The following ZNF143 variants were observed in gnomAD, a reference collection of about 807,000 sequenced individuals.
ZNF143 encodes zinc finger protein 143.
Under a neutral mutation model 74.1 loss-of-function variants are expected in ZNF143, and 49 were observed. That is an observed-to-expected ratio of 0.66 (90% CI 0.53 to 0.84). The LOEUF is 0.84. ZNF143 is among the 40% of genes least tolerant of loss of function. The probability of loss-of-function intolerance (pLI) is 0.00; values close to 1 mark genes in which losing one functional copy is unlikely to be tolerated. For missense variants in ZNF143, 637 were observed against 793.4 expected (o/e 0.80, Z 2.37); for synonymous variants, 304 against 282.8 (o/e 1.07, Z -0.75).
intron 11 of ZNF143, among the ~76,000 whole-genome samples, chr11:9,506,317 A>G (rs1220761977): frequency 6.6e-6 from 1 of 152,190 alleles, no homozygotes; most frequent in Non-Finnish European, 1.5e-5. Flanking sequence ...TGGGTGACAG[A>G]GCGAGACTCC....
In ZNF143 at chr11:9,486,371, A is replaced by ATAATATATATAATATATATATAAT. The variant is rs1477531952; in HGVS notation, c.645+6825_645+6826insTAATATATATAATATATATATAAT. The stretch of plus-strand genomic sequence containing the variant: ...TATATATTATATATATATTATATAT[A>ATAATATATATAATATATATATAAT]ATATATTATATATATAATATATATA... On this transcript the variant is annotated intron_variant, in intron 7 of 15. Transcript: ENST00000396602. Among the ~76,000 whole-genome samples the ATAATATATATAATATATATATAAT allele has an allele frequency of 7.6e-4, 28 of 36,714 alleles. 3 individuals are homozygous for ATAATATATATAATATATATATAAT. Among genetic ancestry groups the ATAATATATATAATATATATATAAT allele is most frequent in the African/African-American group, 3.5e-3 (28 of 7,934 alleles). The allele number at this position is 36,714 out of a possible 152,430, so 24.1% of individuals were successfully genotyped here.
At chr11:9,515,657 AAAAAAAAAAAAG>A (rs1217861659) in intron 13 of ZNF143, among the ~76,000 whole-genome samples, 4 of 150,534 alleles carry the variant, frequency 2.7e-5, no homozygotes, top group African/African-American at 9.8e-5. Context: ...CTGTCTCAAA[AAAAAAAAAAAAG>A]AAAAAGAAAA....
In ZNF143 at chr11:9,516,163, G is replaced by C. The variant is rs1848715838; in HGVS notation, c.1525-38G>C. 3 of 1,606,320 alleles carry C rather than the reference G, an allele frequency of 1.9e-6. 1 individual carries two copies. The highest frequency in any genetic ancestry group is 4.5e-5 in the East Asian group (2 of 44,740). On this transcript the variant is annotated intron_variant, in intron 13 of 15. Coordinates refer to ENST00000396602, the MANE Select transcript of ZNF143 (RefSeq NM_003442.6). Reference sequence around the variant, plus strand: ...TATGGAAGATTGTCAGCTATAACAAGAAACATTGACTGCTTTGTAAAATTC... The same window carrying C: ...TATGGAAGATTGTCAGCTATAACAACAAACATTGACTGCTTTGTAAAATTC...
chr11:9,495,899 T>A (rs577027142), intron 8 of ZNF143, among the ~76,000 whole-genome samples: 1 of 152,310 alleles, frequency 6.6e-6, no homozygotes, highest in Non-Finnish European at 1.5e-5. Flanking sequence ...CAAGTGCCCA[T>A]GGCCACACCA....
intron 14 of ZNF143, among the ~76,000 whole-genome samples, chr11:9,524,056 A>AG (rs893707899): frequency 9.9e-5 from 15 of 151,668 alleles, no homozygotes; most frequent in Non-Finnish European, 2.1e-4. Flanking sequence ...AAAAAAAAAA[A>AG]AAAAAAAAAG....
At chr11:9,490,276 C>CT (rs367876245) in intron 7 of ZNF143, among the ~76,000 whole-genome samples, 1,628 of 100,328 alleles carry the variant, frequency 0.016, 5 homozygotes, top group East Asian at 0.024. Flanking sequence ...CACACTTAAG[C>CT]TTTTTTTTTT....
At chr11:9,490,019 A>AT (rs931968300) in intron 7 of ZNF143, among the ~76,000 whole-genome samples, 59 of 149,882 alleles carry the variant, frequency 3.9e-4, no homozygotes, top group Admixed American at 6.7e-4. Context: ...CATTTCTACA[A>AT]TTTTTTTTTT....
rs780065003 is a variant in ZNF143, at chr11:9,527,567, T to C, written c.1871T>C (p.Ile624Thr). 3.1e-5 allele frequency: 50 copies of C among 1,614,182 alleles called. No individual in the cohort carries two copies. The highest frequency in any genetic ancestry group is 4.2e-5 in the Non-Finnish European group (50 of 1,180,012). Residue 624 changes from isoleucine (I) to threonine (T), a missense_variant, in exon 16 of 16, where the codon ATA becomes ACA. Ile to Thr is a moderately conservative substitution (Grantham distance 89). Transcript: ENST00000396602. Reference sequence around the variant, plus strand: ...CCATCTCTGGAAGAAGCCATCAGAATAGCGTCTAGAATCCAACAAGGAGAA... The same window carrying C: ...CCATCTCTGGAAGAAGCCATCAGAACAGCGTCTAGAATCCAACAAGGAGAA... ...EQPSLEEAIR[I>T]ASRIQQGETP...
intron 7 of ZNF143, among the ~76,000 whole-genome samples, chr11:9,490,277 TTTTTTTTTTTTTTTTGC>T (rs1403378709): frequency 1.6e-3 from 193 of 122,762 alleles, no homozygotes; most frequent in African/African-American, 5.1e-3. Context: ...ACACTTAAGC[TTTTTTTTTTTTTTTTGC>T]TTTTTTTTTT....
At chr11:9,512,732 C>A in intron 13 of ZNF143, 136 bp downstream of exon 13, 1 of 975,670 alleles carries the variant, frequency 1.0e-6, no homozygotes, top group Non-Finnish European at 1.5e-6. Flanking sequence ...TTTCAGTAGT[C>A]TGCTTACAGA....
Position 9,497,523 on chromosome 11 carries a change from G to T in ZNF143, c.842-152G>T, listed in dbSNP as rs146254876. On this transcript the variant is annotated intron_variant, in intron 9 of 15. Coordinates refer to ENST00000396602, the MANE Select transcript of ZNF143 (RefSeq NM_003442.6). ...TGGGGGTACAGGCGTGAGCCACCGT[G>T]CCCGGCCCTTTTGTACATTTTAAAT... is the stretch of plus-strand genomic sequence containing the variant. 4.3e-5 allele frequency: 25 copies of T among 586,180 alleles called. No individual in the cohort carries two copies. The African/African-American group carries it at 4.6e-4, about 11-fold the overall frequency. 36.3% of individuals were successfully genotyped at this position (586,180 alleles called of 1,614,324 possible). A position where few individuals can be genotyped will look rare whatever the true frequency, so the allele number is the denominator to read the frequency against.
At chr11:9,497,828 CTTTTTTTTT>C (rs536473555) in intron 10 of ZNF143, 28 bp downstream of exon 10, 12 of 1,046,494 alleles carry the variant, frequency 1.1e-5, no homozygotes, top group East Asian at 4.7e-5. Flanking sequence ...GTGTCAAAAT[CTTTTTTTTT>C]TTTTTTTTTT....
At chr11:9,478,696 T>G in intron 6 of ZNF143, 110 bp downstream of exon 6, 1 of 1,268,304 alleles carries the variant, frequency 7.9e-7, no homozygotes, top group Non-Finnish European at 1.1e-6. Flanking sequence ...TGGCCAATTT[T>G]GGCTGGGCAT....
At chr11:9,473,492 T>C (rs1408827257) in intron 3 of ZNF143, among the ~76,000 whole-genome samples, 1 of 152,204 alleles carries the variant, frequency 6.6e-6, no homozygotes, top group African/African-American at 2.4e-5. Context: ...AAAAACTCTT[T>C]GTTTCTATGG....
At chr11:9,500,872 G>T (rs921611304) in intron 10 of ZNF143, among the ~76,000 whole-genome samples, 2 of 152,036 alleles carry the variant, frequency 1.3e-5, no homozygotes, top group South Asian at 4.1e-4. Flanking sequence ...TATGTAATCA[G>T]TGATTAGTTT....
intron 4 of ZNF143, 110 bp from the exon 5 acceptor site, chr11:9,474,440 C>G (rs904154781): frequency 1.9e-6 from 2 of 1,061,668 alleles, no homozygotes; most frequent in African/African-American, 3.2e-5. Flanking sequence ...ACTCATGAAG[C>G]AAGTATAGAT....
intron 6 of ZNF143, among the ~76,000 whole-genome samples, chr11:9,478,836 CAGTT>C (rs947508542): frequency 1.5e-4 from 23 of 151,480 alleles, no homozygotes; most frequent in African/African-American, 4.4e-4. Flanking sequence ...AAGTCAAAAT[CAGTT>C]AGTATCAAAG....
intron 15 of ZNF143, among the ~76,000 whole-genome samples, chr11:9,526,608 T>C (rs1849137591): frequency 6.6e-6 from 1 of 151,978 alleles, no homozygotes; most frequent in Admixed American, 6.6e-5. Context: ...TTAGTTTTTA[T>C]TTATGTAAAA....
chr11:9,478,377 T>G lies in ZNF143; in HGVS notation c.374-13T>G. 6.3e-7 allele frequency: 1 copy of G among 1,598,678 alleles called. No homozygotes were observed. The highest frequency in any genetic ancestry group is 8.6e-7 in the Non-Finnish European group (1 of 1,167,040). On this transcript the variant is annotated splice_polypyrimidine_tract_variant and intron_variant, in intron 5 of 15. Coordinates refer to ENST00000396602, the MANE Select transcript of ZNF143 (RefSeq NM_003442.6). ...TACCTTTAATTTAATGGCATTCTCT[T>G]CCACTCTCTCAGATAGTTATGACCA...
Sources: gnomAD v4.1 joint callset for allele counts (sites outside exome capture counted in the v4.1 genomes callset) on GRCh38, gnomAD v4.1.1 for gene constraint, MANE v1.5 for transcripts, NCBI Gene and HGNC (gene_info 2026-07-23, HGNC 2026-07-21) for gene names.